SPATA13: variants seen among roughly 807,000 people sequenced by gnomAD.
The protein encoded by SPATA13 is spermatogenesis associated 13.
A neutral mutation model predicts 104.0 loss-of-function variants in SPATA13; 50 were observed. The ratio of observed to expected loss-of-function variants is 0.48; its 90% CI spans 0.38 to 0.61. The LOEUF (loss-of-function observed/expected upper bound fraction) is 0.61. SPATA13 is among the 20% of genes least tolerant of loss of function. The pLI, the probability that SPATA13 is intolerant of heterozygous loss-of-function variation, is 0.00. For missense variants in SPATA13, 1,524 were observed against 1,690.6 expected (o/e 0.90, Z 1.73); for synonymous variants, 606 against 667.5 (o/e 0.91, Z 1.42).
intron 1 of SPATA13, among the ~76,000 whole-genome samples, chr13:24,213,484 C>T (rs1189096372): frequency 1.3e-5 from 2 of 152,162 alleles, no homozygotes; most frequent in African/African-American, 4.8e-5. Flanking sequence ...CCAGGCTGCT[C>T]TCAAACTCCC....
At chr13:24,049,901 C>G (rs1396696532) in intron 3 of SPATA13, among the ~76,000 whole-genome samples, 1 of 152,166 alleles carries the variant, frequency 6.6e-6, no homozygotes, top group Non-Finnish European at 1.5e-5. Flanking sequence ...GAGACAGAGT[C>G]TTGCTCTGTC....
At chr13:24,298,947 C>T in intron 11 of SPATA13, among the ~76,000 whole-genome samples, 1 of 152,142 alleles carries the variant, frequency 6.6e-6, no homozygotes, top group East Asian at 1.9e-4. Flanking sequence ...TCACAGGCAG[C>T]CCCTTACACC....
At chr13:24,076,101 G>A (rs541771645) in intron 3 of SPATA13, among the ~76,000 whole-genome samples, 7 of 152,266 alleles carry the variant, frequency 4.6e-5, no homozygotes, top group Non-Finnish European at 8.8e-5. Context: ...GAGAAAAGAG[G>A]ACTTTGAAAT....
chr13:24,004,167 A>AG (rs1189914412), intron 2 of SPATA13, among the ~76,000 whole-genome samples: 4 of 152,186 alleles, frequency 2.6e-5, no homozygotes, highest in African/African-American at 4.8e-5. Flanking sequence ...AAATCTCCAA[A>AG]GCATCATGAA....
chr13:24,082,092 T>C (rs940335530), intron 3 of SPATA13, among the ~76,000 whole-genome samples: 7 of 152,258 alleles, frequency 4.6e-5, no homozygotes, highest in Admixed American at 6.5e-5. Context: ...ATAGCAAGGA[T>C]GATGTCCGCT....
chr13:24,039,290 T>G (rs1877827864), intron 3 of SPATA13, among the ~76,000 whole-genome samples: 1 of 152,182 alleles, frequency 6.6e-6, no homozygotes, highest in African/African-American at 2.4e-5. Context: ...CAGCTACTAC[T>G]CAATTTACCA....
At chr13:24,093,882 C>T (rs1337772296) in intron 3 of SPATA13, among the ~76,000 whole-genome samples, 1 of 152,054 alleles carries the variant, frequency 6.6e-6, no homozygotes, top group Non-Finnish European at 1.5e-5. Flanking sequence ...AATGTGCCTT[C>T]TGGGTGGGGG....
intron 3 of SPATA13, among the ~76,000 whole-genome samples, chr13:24,072,622 T>C (rs1879203044): frequency 6.6e-6 from 1 of 152,164 alleles, no homozygotes; most frequent in South Asian, 2.1e-4. Context: ...CATGATTTCA[T>C]TGAATCTGCC....
At chr13:24,077,262 C>T (rs1474121162) in intron 3 of SPATA13, among the ~76,000 whole-genome samples, 1 of 73,014 alleles carries the variant, frequency 1.4e-5, no homozygotes. Context: ...GACTCCATGT[C>T]AAAAAAAAAA....
At chr13:24,043,054 C>A (rs1244046033) in intron 3 of SPATA13, among the ~76,000 whole-genome samples, 1 of 152,180 alleles carries the variant, frequency 6.6e-6, no homozygotes, top group African/African-American at 2.4e-5. Flanking sequence ...GGAACACACA[C>A]AAACTCATTA....
chr13:24,234,567 G>T (rs1404401158), intron 2 of SPATA13, among the ~76,000 whole-genome samples: 1 of 152,224 alleles, frequency 6.6e-6, no homozygotes, highest in Non-Finnish European at 1.5e-5. Flanking sequence ...AATGCCGTAC[G>T]TTTTGTTGGT....
Position 24,222,949 on chromosome 13 carries a change from G to T in SPATA13, c.20G>T (p.Arg7Leu), listed in dbSNP as rs1360433813. MTQAAV[R>L]PWAPCLENMT... ...GTGGCCATGACCCAGGCTGCCGTGCGGCCCTGGGCACCCTGCCTGGAGAAC... is the reference window on the plus strand; with the variant it reads ...GTGGCCATGACCCAGGCTGCCGTGCTGCCCTGGGCACCCTGCCTGGAGAAC... Residue 7 changes from arginine to leucine, a missense_variant, in exon 2 of 13, where the codon CGG becomes CTG. Coordinates refer to ENST00000382108, the MANE Select transcript of SPATA13 (RefSeq NM_001166271.3). The T allele has an allele frequency of 6.4e-7, 1 of 1,551,150 alleles. No homozygotes were observed. The highest frequency in any genetic ancestry group is 8.7e-7 in the Non-Finnish European group (1 of 1,146,754).
chr13:24,117,828 G>A (rs546813389), intron 3 of SPATA13, among the ~76,000 whole-genome samples: 58 of 152,252 alleles, frequency 3.8e-4, no homozygotes, highest in African/African-American at 1.3e-3. Context: ...ATTATGTAAA[G>A]AAATATTTTT....
intron 2 of SPATA13, among the ~76,000 whole-genome samples, chr13:23,991,975 T>G (rs1184165753): frequency 6.6e-6 from 1 of 152,228 alleles, no homozygotes; most frequent in Non-Finnish European, 1.5e-5. Flanking sequence ...GTTATTGTAA[T>G]GATTGGCACT....
chr13:24,018,159 GTA>G (rs1464417845), intron 3 of SPATA13, among the ~76,000 whole-genome samples: 1 of 152,170 alleles, frequency 6.6e-6, no homozygotes, highest in Non-Finnish European at 1.5e-5. Flanking sequence ...TTTGGGTTTT[GTA>G]TGTTTGTTAC....
chr13:24,212,789 G>A (rs117337861), intron 1 of SPATA13, among the ~76,000 whole-genome samples: 1 of 152,324 alleles, frequency 6.6e-6, no homozygotes, highest in East Asian at 1.9e-4. Context: ...GGCAGGCTCA[G>A]CCTCCTGAAT....
chr13:24,141,420 A>G (rs540833245), intron 3 of SPATA13, among the ~76,000 whole-genome samples: 35 of 152,236 alleles, frequency 2.3e-4, no homozygotes, highest in African/African-American at 7.7e-4. Flanking sequence ...ATGCATTTGA[A>G]TCTTCTGCCT....
At chr13:24,251,975 G>A (rs534162453) in intron 4 of SPATA13, 113 bp downstream of exon 4, 14 of 1,348,622 alleles carry the variant, frequency 1.0e-5, no homozygotes, top group East Asian at 9.7e-5. Context: ...GCCAGGGCGC[G>A]TTTGTCTGGG....
chr13:24,306,826 G>A lies in SPATA13; in HGVS notation c.*4053G>A, dbSNP rs1261024369. The A allele has an allele frequency of 6.6e-6, 1 of 152,066 alleles. No homozygotes were observed. Among genetic ancestry groups the A allele is most frequent in the South Asian group, 2.1e-4 (1 of 4,826 alleles). 9.4% of individuals were successfully genotyped at this position (152,066 alleles called of 1,614,324 possible). On this transcript the variant is annotated 3_prime_UTR_variant, in exon 13 of 13. Coordinates refer to ENST00000382108, the MANE Select transcript of SPATA13 (RefSeq NM_001166271.3). ...GCTAACCTACTTTGCAAGGCTTTGG[G>A]CAACATTTTAGCTCATTAACTTCAA... is the stretch of plus-strand genomic sequence containing the variant.
Sources: gnomAD v4.1 joint callset for allele counts (sites outside exome capture counted in the v4.1 genomes callset) on GRCh38, gnomAD v4.1.1 for gene constraint, MANE v1.5 for transcripts, NCBI Gene and HGNC (gene_info 2026-07-23, HGNC 2026-07-21) for gene names.